The following LAYN variants were observed in gnomAD, a reference collection of about 807,000 sequenced individuals.
LAYN encodes the protein layilin.
Under a neutral mutation model 43.6 loss-of-function variants are expected in LAYN, and 38 were observed. The observed-to-expected ratio is 0.87, with a 90% confidence interval of 0.67 to 1.14. The LOEUF is 1.14. LAYN is among the 50% of genes most tolerant of loss of function. LAYN has a pLI of 0.00. For missense variants in LAYN, 479 were observed against 463.8 expected, an observed-to-expected ratio of 1.03 and a Z score of -0.30; for synonymous variants, 168 against 172.9, an observed-to-expected ratio of 0.97 and a Z score of 0.22.
rs1237228653 is a variant in LAYN at position 111,540,877 on chromosome 11, C to T, written c.34C>T (p.Leu12=). The part of the protein sequence containing the change: ...RPGTALQAVL[L]AVLLVGLRAA... ...GGGAACCGCGCTACAGGCCGTGCTG[C>T]TGGCCGTGCTGCTGGTGGGGCTGCG... The change falls in exon 1 of 7, where the codon CTG becomes TTG. Residue 12 remains leucine, a synonymous_variant. Transcript: ENST00000375614. 6 of 1,532,162 alleles carry T rather than the reference C, an allele frequency of 3.9e-6. No individual in the cohort carries two copies. Among genetic ancestry groups the T allele is most frequent in the Admixed American group, 3.9e-5 (2 of 50,882 alleles). The allele number at this position is 1,532,162 out of a possible 1,614,324, so 94.9% of individuals were successfully genotyped here. A position where few individuals can be genotyped will look rare whatever the true frequency, so the allele number is the denominator to read the frequency against.
intron 1 of LAYN, chr11:111,541,680 A>G (rs773860668): frequency 1.2e-5 from 14 of 1,134,562 alleles, no homozygotes; most frequent in Non-Finnish European, 1.8e-5. Flanking sequence ...GCGGGTGCCA[A>G]CAGCTTGACC....
At position 111,549,644 on chromosome 11, in the gene LAYN, G is replaced by A; in HGVS notation, c.410G>A (p.Cys137Tyr). The A allele has an allele frequency of 6.3e-7, 1 of 1,580,272 alleles. No homozygotes were observed. Residue 137 changes from cysteine (C) to tyrosine (Y), a missense_variant, in exon 3 of 7, where the codon TGC (cysteine) becomes TAC (tyrosine). Coordinates refer to ENST00000375614, the MANE Select transcript of LAYN (RefSeq NM_178834.5). Reference protein sequence around the residue: ...FRNWYVDEPSCGSEVCVVMYH... With the variant: ...FRNWYVDEPSYGSEVCVVMYH... ...AACTGGTATGTGGATGAGCCATCCT[G>A]CGGCAGCGAGGTCTGCGTGGTCATG...
chr11:111,551,389 G>A (rs1423528574), intron 3 of LAYN: 1 of 456,268 alleles, frequency 2.2e-6, no homozygotes, highest in East Asian at 6.9e-5. Flanking sequence ...ACAGTTTATA[G>A]ACCTCAACCT....
chr11:111,547,280 A>T (rs376530159), intron 2 of LAYN, among the ~76,000 whole-genome samples: 37 of 152,348 alleles, frequency 2.4e-4, no homozygotes, highest in African/African-American at 8.7e-4. Flanking sequence ...CTGAATCTTC[A>T]TAAGATTTAT....
In LAYN at chr11:111,542,718, G is replaced by A. The variant is rs111511337; in HGVS notation, c.86-1205G>A. Among the ~76,000 whole-genome samples, 953 of 152,302 alleles carry A rather than the reference G, an allele frequency of 6.3e-3. 8 individuals are homozygous for A. Among genetic ancestry groups the A allele is most frequent in the African/African-American group, 0.021 (887 of 41,556 alleles). ...CACAATTTGGCTTTCTCTTTGCAGG[G>A]GGACTACTCCCCGTGTTGATACGTG... On this transcript the variant is annotated intron_variant, in intron 1 of 6. Coordinates refer to ENST00000375614, the MANE Select transcript of LAYN (RefSeq NM_178834.5).
intron 3 of LAYN, chr11:111,551,436 G>A (rs752129556): frequency 3.1e-5 from 14 of 456,046 alleles, no homozygotes; most frequent in Non-Finnish European, 5.7e-5. Context: ...ATCCAACAGA[G>A]GGAGGTGGGC....
At chr11:111,552,638 G>A (rs1867763971) in intron 3 of LAYN, among the ~76,000 whole-genome samples, 1 of 152,246 alleles carries the variant, frequency 6.6e-6, no homozygotes, top group Admixed American at 6.5e-5. Context: ...TGCAGGGATT[G>A]ATGGAAATGC....
At chr11:111,554,321 G>A (rs577739383) in intron 3 of LAYN, among the ~76,000 whole-genome samples, 5 of 151,986 alleles carry the variant, frequency 3.3e-5, no homozygotes, top group Middle Eastern at 3.4e-3. Context: ...ATATTTAAAC[G>A]TTTTTAAATA....
At chr11:111,544,315 G>A in intron 2 of LAYN, 95 bp downstream of exon 2, 4 of 1,225,446 alleles carry the variant, frequency 3.3e-6, no homozygotes, top group Non-Finnish European at 4.5e-6. Context: ...GGGAAGAGAA[G>A]ACCAACCAGG....
intron 5 of LAYN, 122 bp from the exon 6 acceptor site, chr11:111,557,417 ATT>A (rs1867866251): frequency 5.3e-6 from 4 of 751,260 alleles, no homozygotes; most frequent in Non-Finnish European, 9.1e-6. Flanking sequence ...TAATTTTTTA[ATT>A]TTAATAGATT....
In LAYN at chr11:111,561,681, C is replaced by T. The variant is rs561111714; in HGVS notation, c.*1223C>T. 4 of 152,294 alleles carry T rather than the reference C, an allele frequency of 2.6e-5. No homozygotes were observed. The East Asian group carries it at 7.7e-4, about 29-fold the overall frequency. 9.4% of individuals were successfully genotyped at this position (152,294 alleles called of 1,614,324 possible). On this transcript the variant is annotated 3_prime_UTR_variant, in exon 7 of 7. Coordinates refer to ENST00000375614, the MANE Select transcript of LAYN (RefSeq NM_178834.5). ...ATAATCTCATATTTTAACCTTTCCT[C>T]ATATGTCTTATTTTTTAATAGCTCA... is the stretch of plus-strand genomic sequence containing the variant.
At chr11:111,545,074 A>ATATATATATATATATATATTTT (rs1170875315) in intron 2 of LAYN, among the ~76,000 whole-genome samples, 2 of 148,390 alleles carry the variant, frequency 1.3e-5, no homozygotes, top group African/African-American at 2.5e-5. Context: ...ATATATATAT[A>ATATATATATATATATATATTTT]TTTTTTACCT....
chr11:111,555,182 C>T, intron 4 of LAYN, 25 bp from the exon 5 acceptor site: 1 of 1,559,584 alleles, frequency 6.4e-7, no homozygotes, highest in East Asian at 2.2e-5. Flanking sequence ...TCTTCAAGTT[C>T]ACAAGTCCAT....
Position 111,549,629 on chromosome 11 carries a change from T to C in LAYN, c.395T>C (p.Val132Ala). 1 of 1,567,942 alleles carries C rather than the reference T, an allele frequency of 6.4e-7. No individual in the cohort carries two copies. ...GSISQFRNWY[V>A]DEPSCGSEVC... ...TCCCTTCCCTACAGGAACTGGTATGTGGATGAGCCATCCTGCGGCAGCGAG... is the reference window on the plus strand; with the variant it reads ...TCCCTTCCCTACAGGAACTGGTATGCGGATGAGCCATCCTGCGGCAGCGAG... Residue 132 changes from valine (V) to alanine (A), a missense_variant, in exon 3 of 7, where the codon GTG becomes GCG. Transcript: ENST00000375614.
Position 111,540,773 on chromosome 11 carries a change from C to T in LAYN, c.-71C>T. On this transcript the variant is annotated 5_prime_UTR_variant, in exon 1 of 7. Transcript: ENST00000375614. ...TGCTGCCGCGGTTGCAGTTGTCGCG[C>T]ACGCCTCTGCCCGCCAGCCCGCTCC... 1 of 1,414,872 alleles carries T rather than the reference C, an allele frequency of 7.1e-7. No homozygotes were observed. The highest frequency in any genetic ancestry group is 9.4e-7 in the Non-Finnish European group (1 of 1,067,776). The allele number at this position is 1,414,872 out of a possible 1,614,324, so 87.6% of individuals were successfully genotyped here.
intron 3 of LAYN, among the ~76,000 whole-genome samples, chr11:111,552,618 C>G (rs1293996467): frequency 1.3e-5 from 2 of 152,214 alleles, no homozygotes; most frequent in Non-Finnish European, 2.9e-5. Flanking sequence ...TGAGGCAACA[C>G]AGATGCACGT....
Position 111,544,120 on chromosome 11 carries a change from G to C in LAYN, c.283G>C (p.Asp95His), listed in dbSNP as rs1867601356. Residue 95 changes from aspartate to histidine, a missense_variant, in exon 2 of 7, where the codon GAC becomes CAC. By Grantham distance (81) the Asp-to-His change is moderately conservative. Transcript: ENST00000375614. ...TGAAAACCTCTTGCCATCTGATGGT[G>C]ACTTCTGGATTGGGCTCAGGAGGCG... ...FIENLLPSDG[D>H]FWIGLRRREE... The C allele has an allele frequency of 1.2e-6, 2 of 1,614,206 alleles. No individual in the cohort carries two copies. The highest frequency in any genetic ancestry group is 2.7e-5 in the African/African-American group (2 of 75,056).
chr11:111,560,027 C>T (rs1167630302), intron 6 of LAYN, 68 bp from the exon 7 acceptor site: 2 of 1,512,042 alleles, frequency 1.3e-6, no homozygotes, highest in Non-Finnish European at 1.8e-6. Flanking sequence ...CTCGTCTCAA[C>T]AGGAAGCACA....
chr11:111,554,323 T>C (rs1166256425), intron 3 of LAYN, among the ~76,000 whole-genome samples: 4 of 151,880 alleles, frequency 2.6e-5, no homozygotes, highest in Admixed American at 6.5e-5. Context: ...ATTTAAACGT[T>C]TTTAAATACT....
Sources: allele counts gnomAD v4.1 joint callset (sites outside exome capture counted in the v4.1 genomes callset), GRCh38; gene constraint gnomAD v4.1.1; transcripts MANE v1.5; gene names NCBI Gene and HGNC (gene_info 2026-07-23, HGNC 2026-07-21).